RTN1: variants seen among roughly 807,000 people sequenced by gnomAD.
The protein encoded by RTN1 is reticulon-1.
RTN1 carries 25 observed loss-of-function variants against 65.5 expected under a neutral mutation model. That is an observed-to-expected ratio of 0.38 (90% confidence interval 0.28 to 0.53). The LOEUF (loss-of-function observed/expected upper bound fraction) is 0.53. Ranked by LOEUF, RTN1 falls within the 20% of genes least tolerant of loss-of-function variation. The pLI, the probability that RTN1 is intolerant of heterozygous loss-of-function variation, is 0.79. For missense variants in RTN1, 983 were observed against 1,025.4 expected, an observed-to-expected ratio of 0.96 and a Z score of 0.57; for synonymous variants, 471 against 447.6, an observed-to-expected ratio of 1.05 and a Z score of -0.66.
chr14:59,687,483 A>G (rs527883593), intron 3 of RTN1, among the ~76,000 whole-genome samples: 10 of 149,464 alleles, frequency 6.7e-5, no homozygotes, highest in African/African-American at 2.5e-4. Flanking sequence ...ACCTGCTCCC[A>G]AAGACTAGTA....
rs957426488 is a variant in RTN1 at position 59,836,784 on chromosome 14, G to A, written c.241+33606C>T. Reference sequence around the variant, plus strand: ...CCAATGCTGAGCGGGGTGACACATCGCAGGGGTGCTTAGACAAACCAATCC... The same window carrying A: ...CCAATGCTGAGCGGGGTGACACATCACAGGGGTGCTTAGACAAACCAATCC... On this transcript the variant is annotated intron_variant, in intron 1 of 8. Transcript: ENST00000267484. This position sits in a 1 kb window ranked among gnomAD's most constrained non-coding sequence, Gnocchi z 4.9. 3.3e-5 allele frequency among the ~76,000 whole-genome samples: 5 copies of A among 152,108 alleles called. No individual in the cohort carries two copies. The highest frequency in any genetic ancestry group is 2.1e-4 in the South Asian group (1 of 4,814).
At chr14:59,788,711 T>C (rs941942778) in intron 1 of RTN1, among the ~76,000 whole-genome samples, 1 of 152,224 alleles carries the variant, frequency 6.6e-6, no homozygotes, top group African/African-American at 2.4e-5. Context: ...AATTGATCTA[T>C]TTCTTTTTCA....
intron 1 of RTN1, among the ~76,000 whole-genome samples, chr14:59,847,973 T>C (rs1887438681): frequency 6.6e-6 from 1 of 152,174 alleles, no homozygotes; most frequent in Admixed American, 6.6e-5. Context: ...GCTGGAGACC[T>C]GAAATAATTT....
chr14:59,764,934 T>C (rs1885821458), intron 1 of RTN1, among the ~76,000 whole-genome samples: 1 of 152,224 alleles, frequency 6.6e-6, no homozygotes, highest in African/African-American at 2.4e-5. Context: ...CTCTTTATGT[T>C]GTCAGCAATT....
intron 1 of RTN1, among the ~76,000 whole-genome samples, chr14:59,756,102 G>A (rs1415727702): frequency 6.6e-6 from 1 of 152,224 alleles, no homozygotes; most frequent in Non-Finnish European, 1.5e-5. Flanking sequence ...TTAGCAGACA[G>A]ACTAGGGCCT....
chr14:59,784,260 G>A (rs1034307216), intron 1 of RTN1, among the ~76,000 whole-genome samples: 8 of 151,886 alleles, frequency 5.3e-5, no homozygotes, highest in Admixed American at 2.6e-4. Flanking sequence ...TCAACATGGA[G>A]AAACCTCGTC....
chr14:59,690,757 C>G (rs1010043675), intron 3 of RTN1, among the ~76,000 whole-genome samples: 24 of 151,964 alleles, frequency 1.6e-4, no homozygotes, highest in African/African-American at 5.8e-4. Flanking sequence ...GACCACAGTA[C>G]AGGAAAAATA....
intron 3 of RTN1, among the ~76,000 whole-genome samples, chr14:59,622,021 CA>C (rs1882267024): frequency 6.6e-6 from 1 of 152,150 alleles, no homozygotes; most frequent in South Asian, 2.1e-4. Context: ...TGCTATGTGA[CA>C]AATTAATGCT....
intron 1 of RTN1, among the ~76,000 whole-genome samples, chr14:59,821,814 T>A (rs193156301): frequency 2.6e-5 from 4 of 152,334 alleles, no homozygotes; most frequent in Admixed American, 2.6e-4. Flanking sequence ...AGAAATCACA[T>A]TTATTGATTT....
chr14:59,665,972 A>G (rs963791538), intron 3 of RTN1, among the ~76,000 whole-genome samples: 1 of 152,160 alleles, frequency 6.6e-6, no homozygotes, highest in Non-Finnish European at 1.5e-5. Flanking sequence ...AGAGACTTAG[A>G]CGCCCACGCA....
intron 3 of RTN1, among the ~76,000 whole-genome samples, chr14:59,703,277 G>A (rs139560661): frequency 6.6e-6 from 1 of 152,256 alleles, no homozygotes; most frequent in East Asian, 1.9e-4. Flanking sequence ...TCCCAATGTT[G>A]GAGGTGGAGC....
At chr14:59,629,672 A>T (rs984053637) in intron 3 of RTN1, among the ~76,000 whole-genome samples, 5 of 152,234 alleles carry the variant, frequency 3.3e-5, no homozygotes, top group Non-Finnish European at 7.3e-5. Context: ...GTGAAGTGTG[A>T]GGCTGAATAA....
At chr14:59,614,998 G>C (rs995753879) in intron 3 of RTN1, among the ~76,000 whole-genome samples, 5 of 152,224 alleles carry the variant, frequency 3.3e-5, no homozygotes, top group African/African-American at 9.6e-5. Context: ...ATTTTGGCTA[G>C]TTCTGAGGGT....
chr14:59,643,827 C>T lies in RTN1; in HGVS notation c.1766-36335G>A, dbSNP rs368134849. On this transcript the variant is annotated intron_variant, in intron 3 of 8. Coordinates refer to ENST00000267484, the MANE Select transcript of RTN1 (RefSeq NM_021136.3). Reference sequence around the variant, plus strand: ...TCTAAAGTTGTCACATTATATTAACCAAATGTTCAATTTTCAACAAAAAAT... The same window carrying T: ...TCTAAAGTTGTCACATTATATTAACTAAATGTTCAATTTTCAACAAAAAAT... 1.2e-4 allele frequency among the ~76,000 whole-genome samples: 18 copies of T among 151,538 alleles called. 2 individuals carry two copies. The highest frequency in any genetic ancestry group is 7.2e-4 in the Admixed American group (11 of 15,238).
intron 2 of RTN1, among the ~76,000 whole-genome samples, chr14:59,738,412 C>T (rs1361668212): frequency 6.6e-6 from 1 of 152,144 alleles, no homozygotes; most frequent in Non-Finnish European, 1.5e-5. Flanking sequence ...AGCTCAACAG[C>T]ACTTATAATT....
intron 1 of RTN1, among the ~76,000 whole-genome samples, chr14:59,823,295 T>G (rs1259381134): frequency 6.6e-6 from 1 of 152,122 alleles, no homozygotes; most frequent in Non-Finnish European, 1.5e-5. Flanking sequence ...TAAATCATCA[T>G]TGGTTTAAAG....
At chr14:59,822,978 T>C (rs1886969070) in intron 1 of RTN1, among the ~76,000 whole-genome samples, 2 of 152,112 alleles carry the variant, frequency 1.3e-5, no homozygotes, top group Non-Finnish European at 2.9e-5. Context: ...GTATATTCTG[T>C]TGCTGTTGGG....
chr14:59,808,160 G>A (rs939992849), intron 1 of RTN1, among the ~76,000 whole-genome samples: 1 of 152,066 alleles, frequency 6.6e-6, no homozygotes, highest in African/African-American at 2.4e-5. Context: ...ACTTAACTCA[G>A]ACCAGATAAT....
At chr14:59,817,578 G>T (rs1186779991) in intron 1 of RTN1, among the ~76,000 whole-genome samples, 1 of 151,544 alleles carries the variant, frequency 6.6e-6, no homozygotes, top group Admixed American at 6.6e-5. Flanking sequence ...TTATTAATGG[G>T]AAATTGTTGA....
Sources: allele counts gnomAD v4.1 joint callset (sites outside exome capture counted in the v4.1 genomes callset), GRCh38; gene constraint gnomAD v4.1.1; non-coding constraint Gnocchi (gnomAD v3.1); transcripts MANE v1.5; gene names NCBI Gene and HGNC (gene_info 2026-07-23, HGNC 2026-07-21).